The following PTPRT variants were observed in gnomAD, a reference collection of about 807,000 sequenced individuals.
PTPRT encodes the protein protein tyrosine phosphatase receptor type T, also known as receptor-type tyrosine-protein phosphatase T.
In PTPRT, 56 loss-of-function variants were observed where a neutral mutation model predicts 176.8. The ratio of observed to expected loss-of-function variants is 0.32; its 90% CI spans 0.26 to 0.40. The LOEUF (loss-of-function observed/expected upper bound fraction) is 0.40. Ranked by LOEUF, PTPRT falls within the 10% of genes least tolerant of loss-of-function variation. The pLI is 1.00. For synonymous variants in PTPRT, 783 were observed against 739.0 expected (o/e 1.06, Z -0.96); for missense variants, 1,540 against 1,908.2 (o/e 0.81, Z 3.60).
At chr20:42,163,152 A>T (rs867182049) in intron 16 of PTPRT, among the ~76,000 whole-genome samples, 1 of 152,120 alleles carries the variant, frequency 6.6e-6, no homozygotes, top group Non-Finnish European at 1.5e-5. Flanking sequence ...GAGGCTACTA[A>T]TCTGACTGGT....
intron 8 of PTPRT, among the ~76,000 whole-genome samples, chr20:42,449,376 T>C (rs552877280): frequency 6.6e-6 from 1 of 152,312 alleles, no homozygotes; most frequent in African/African-American, 2.4e-5. Context: ...TTCACTATTC[T>C]TACAACAGTC....
At chr20:43,127,241 G>T (rs2013476731) in intron 1 of PTPRT, among the ~76,000 whole-genome samples, 1 of 151,904 alleles carries the variant, frequency 6.6e-6, no homozygotes, top group African/African-American at 2.4e-5. Context: ...GGCTAACATG[G>T]TGAAACCCTA....
intron 15 of PTPRT, among the ~76,000 whole-genome samples, chr20:42,235,742 C>T (rs968205403): frequency 4.6e-5 from 7 of 152,270 alleles, no homozygotes; most frequent in African/African-American, 1.7e-4. Context: ...ACCTGTGAGG[C>T]CGGTTCTAGA....
intron 2 of PTPRT, among the ~76,000 whole-genome samples, chr20:42,867,332 T>C (rs1365331638): frequency 2.0e-5 from 3 of 151,346 alleles, no homozygotes; most frequent in Non-Finnish European, 2.9e-5. Flanking sequence ...CCAACTAATA[T>C]CAGCCTGATT....
chr20:42,837,520 G>A (rs953356876), intron 2 of PTPRT, among the ~76,000 whole-genome samples: 4 of 152,120 alleles, frequency 2.6e-5, no homozygotes, highest in East Asian at 1.9e-4. Flanking sequence ...GACCAATCTC[G>A]GGCCCCTGGA....
At chr20:42,533,230 A>C (rs934051011) in intron 7 of PTPRT, among the ~76,000 whole-genome samples, 1 of 152,162 alleles carries the variant, frequency 6.6e-6, no homozygotes, top group Non-Finnish European at 1.5e-5. Context: ...TCACCAGCCT[A>C]ATTTGATTCT....
intron 7 of PTPRT, among the ~76,000 whole-genome samples, chr20:42,562,425 G>T (rs1373040597): frequency 6.6e-6 from 1 of 152,172 alleles, no homozygotes; most frequent in Non-Finnish European, 1.5e-5. Context: ...ATTATGGAGT[G>T]TACAGATAGC....
intron 1 of PTPRT, among the ~76,000 whole-genome samples, chr20:43,183,516 A>T (rs1279631187): frequency 1.3e-5 from 2 of 152,240 alleles, no homozygotes; most frequent in East Asian, 3.8e-4. Flanking sequence ...GTCAAATAAA[A>T]GTTTTAACAG....
intron 2 of PTPRT, among the ~76,000 whole-genome samples, chr20:42,883,794 C>T (rs1211703749): frequency 4.2e-5 from 5 of 119,544 alleles, no homozygotes; most frequent in East Asian, 5.2e-4. Flanking sequence ...CACACCCATA[C>T]ACACACAACC....
chr20:42,668,165 AT>A (rs1022598912), intron 7 of PTPRT, among the ~76,000 whole-genome samples: 1 of 151,972 alleles, frequency 6.6e-6, no homozygotes, highest in South Asian at 2.1e-4. Context: ...TAAACAATTG[AT>A]TTTTTCCCTT....
chr20:42,529,647 C>T (rs768650664), intron 7 of PTPRT, among the ~76,000 whole-genome samples: 9 of 151,828 alleles, frequency 5.9e-5, no homozygotes, highest in Non-Finnish European at 7.4e-5. Flanking sequence ...CCACCATGCC[C>T]GGCTAATTTT....
At chr20:42,903,099 A>T (rs1300984549) in intron 1 of PTPRT, among the ~76,000 whole-genome samples, 1 of 152,246 alleles carries the variant, frequency 6.6e-6, no homozygotes, top group South Asian at 2.1e-4. Context: ...GATGTTAGGC[A>T]TGCAATAAAC....
intron 1 of PTPRT, among the ~76,000 whole-genome samples, chr20:43,004,884 A>G (rs1012095394): frequency 6.6e-6 from 1 of 152,192 alleles, no homozygotes; most frequent in Non-Finnish European, 1.5e-5. Flanking sequence ...AGAAACCCTA[A>G]TACATTTTAC....
At chr20:42,585,311 G>A (rs556497002) in intron 7 of PTPRT, among the ~76,000 whole-genome samples, 2 of 152,244 alleles carry the variant, frequency 1.3e-5, no homozygotes, top group South Asian at 2.1e-4. Context: ...GTTATTGAAA[G>A]GCTATTGACT....
chr20:43,135,743 C>T (rs1426289956), intron 1 of PTPRT, among the ~76,000 whole-genome samples: 1 of 152,198 alleles, frequency 6.6e-6, no homozygotes, highest in Non-Finnish European at 1.5e-5. Flanking sequence ...CAAGATATCA[C>T]ACAGCCCTTA....
At chr20:42,204,879 C>T (rs541424660) in intron 15 of PTPRT, among the ~76,000 whole-genome samples, 26 of 151,936 alleles carry the variant, frequency 1.7e-4, no homozygotes, top group Admixed American at 1.4e-3. Context: ...AGAGGGAATA[C>T]AAAGTAACGT....
chr20:42,446,147 C>T (rs996633982), intron 9 of PTPRT, among the ~76,000 whole-genome samples: 1 of 152,158 alleles, frequency 6.6e-6, no homozygotes, highest in Admixed American at 6.6e-5. Flanking sequence ...TATGACTCCA[C>T]CTGCAACATA....
chr20:42,133,138 T>C (rs1988203979), intron 18 of PTPRT, among the ~76,000 whole-genome samples: 1 of 152,260 alleles, frequency 6.6e-6, no homozygotes, highest in African/African-American at 2.4e-5. Flanking sequence ...TTATAAAATG[T>C]ACTTTGTATT....
intron 7 of PTPRT, among the ~76,000 whole-genome samples, chr20:42,530,532 G>A (rs1489593037): frequency 6.6e-6 from 1 of 152,208 alleles, no homozygotes; most frequent in Non-Finnish European, 1.5e-5. Flanking sequence ...TGAAGAGGAA[G>A]TGGCTTTTGG....
Sources: allele counts gnomAD v4.1 joint callset (sites outside exome capture counted in the v4.1 genomes callset), GRCh38; gene constraint gnomAD v4.1.1; transcripts MANE v1.5; gene names NCBI Gene and HGNC (gene_info 2026-07-23, HGNC 2026-07-21).